The following EML6 variants were observed in gnomAD, a reference collection of about 807,000 sequenced individuals.
EML6 encodes echinoderm microtubule-associated protein-like 6.
EML6 carries 154 observed loss-of-function variants against 240.1 expected under a neutral mutation model. The ratio of observed to expected loss-of-function variants is 0.64; its 90% CI spans 0.56 to 0.73. The LOEUF is 0.73. EML6 is among the 30% of genes least tolerant of loss of function. The pLI is 0.00. For missense variants in EML6, 2,964 were observed against 2,474.6 expected, an observed-to-expected ratio of 1.20 and a Z score of -4.20; for synonymous variants, 1,148 against 899.0, an observed-to-expected ratio of 1.28 and a Z score of -4.95.
chr2:54,945,340 A>G (rs1675642171), intron 28 of EML6, among the ~76,000 whole-genome samples: 1 of 146,776 alleles, frequency 6.8e-6, no homozygotes, highest in African/African-American at 2.5e-5. Context: ...GACATTCTAA[A>G]ACCATTGGAG....
At position 54,832,991 on chromosome 2, in the gene EML6, G is replaced by T. The variant is rs539200250; in HGVS notation, c.847+3514G>T. 5.3e-5 allele frequency among the ~76,000 whole-genome samples: 8 copies of T among 152,228 alleles called. No homozygotes were observed. The South Asian group carries it at 1.2e-3, about 24-fold the overall frequency. On this transcript the variant is annotated intron_variant, in intron 7 of 41. Transcript: ENST00000356458. Reference sequence around the variant, plus strand: ...GTATTTTTGCTATTTGTGAAACAGCGACACTCGAATTCATTTCAATGGAAA... The same window carrying T: ...GTATTTTTGCTATTTGTGAAACAGCTACACTCGAATTCATTTCAATGGAAA...
At chr2:54,810,659 T>C (rs1299786748) in intron 2 of EML6, among the ~76,000 whole-genome samples, 1 of 152,206 alleles carries the variant, frequency 6.6e-6, no homozygotes, top group African/African-American at 2.4e-5. Context: ...ACCTCTTGCC[T>C]ATTGCAGGGG....
At chr2:54,728,738 A>AAC (rs952152512) in intron 2 of EML6, among the ~76,000 whole-genome samples, 2 of 151,984 alleles carry the variant, frequency 1.3e-5, no homozygotes, top group East Asian at 1.9e-4. Flanking sequence ...TATTTCACTA[A>AAC]ACACACACAC....
At chr2:54,801,042 C>T (rs183237435) in intron 2 of EML6, among the ~76,000 whole-genome samples, 27 of 152,098 alleles carry the variant, frequency 1.8e-4, no homozygotes, top group Non-Finnish European at 2.8e-4. Flanking sequence ...TCATTGAGGC[C>T]GGGTGCAGTG....
chr2:54,916,612 T>C, intron 25 of EML6, 147 bp from the exon 26 acceptor site: 2 of 518,264 alleles, frequency 3.9e-6, no homozygotes, highest in South Asian at 1.2e-4. Flanking sequence ...ACTTTAAATA[T>C]GCAACTTAGA....
intron 24 of EML6, among the ~76,000 whole-genome samples, chr2:54,907,490 G>A (rs895844726): frequency 6.6e-6 from 1 of 152,204 alleles, no homozygotes; most frequent in Non-Finnish European, 1.5e-5. Flanking sequence ...CTGGGTAACA[G>A]AGCGAGACTA....
chr2:54,851,680 T>C (rs1163277463), intron 10 of EML6, among the ~76,000 whole-genome samples: 2 of 152,242 alleles, frequency 1.3e-5, no homozygotes, highest in African/African-American at 4.8e-5. Flanking sequence ...TATCCAAGTC[T>C]TTTGCTTTAT....
chr2:54,797,166 A>AAAAAAAAAAAAAAAAAAAAAAAAAAAAAC (rs1669837148), intron 2 of EML6, among the ~76,000 whole-genome samples: 1 of 100,414 alleles, frequency 1.0e-5, no homozygotes, highest in Non-Finnish European at 2.3e-5. Context: ...CTCCATCTCA[A>AAAAAAAAAAAAAAAAAAAAAAAAAAAAAC]AAAAAAAAAA....
chr2:54,953,047 C>T (rs557633561), intron 31 of EML6, among the ~76,000 whole-genome samples: 1 of 152,098 alleles, frequency 6.6e-6, no homozygotes, highest in Non-Finnish European at 1.5e-5. Context: ...TGCCTGGACC[C>T]CCTGTGCCCT....
intron 5 of EML6, among the ~76,000 whole-genome samples, chr2:54,826,626 C>G (rs1265747667): frequency 2.6e-5 from 4 of 152,122 alleles, no homozygotes; most frequent in Non-Finnish European, 5.9e-5. Flanking sequence ...AAAACTATGT[C>G]AATACAAAAT....
Position 54,814,456 on chromosome 2 carries a change from C to T in EML6, c.357+1065C>T, listed in dbSNP as rs146103541. Among the ~76,000 whole-genome samples the T allele has an allele frequency of 4.0e-4, 61 of 152,286 alleles. No homozygotes were observed. The East Asian group carries it at 0.01, about 26-fold the overall frequency. ...AAAACGGAGGGGTCATTCCTGGCTC[C>T]GGCTGCATTCATCTCCTCCCTAAGG... On this transcript the variant is annotated intron_variant, in intron 3 of 41. Transcript: ENST00000356458.
intron 2 of EML6, among the ~76,000 whole-genome samples, chr2:54,777,917 G>T (rs1411244841): frequency 6.6e-6 from 1 of 151,698 alleles, no homozygotes; most frequent in Non-Finnish European, 1.5e-5. Flanking sequence ...AAATTTTTGG[G>T]GAATATTTAC....
intron 2 of EML6, among the ~76,000 whole-genome samples, chr2:54,730,985 T>C (rs1683138788): frequency 6.6e-6 from 1 of 151,976 alleles, no homozygotes; most frequent in African/African-American, 2.4e-5. Flanking sequence ...AGAAGAAAAA[T>C]AATCACAGAG....
At chr2:54,809,878 T>C (rs964985089) in intron 2 of EML6, among the ~76,000 whole-genome samples, 3 of 152,108 alleles carry the variant, frequency 2.0e-5, no homozygotes, top group African/African-American at 7.2e-5. Context: ...GGATGAGACA[T>C]GGATGCCATT....
In EML6 at chr2:54,774,517, A is replaced by G. The variant is rs573785532; in HGVS notation, c.198-38715A>G. On this transcript the variant is annotated intron_variant, in intron 2 of 41. Coordinates refer to ENST00000356458, the MANE Select transcript of EML6 (RefSeq NM_001039753.4). The surrounding 1 kb of genome is among the most constrained non-coding windows in gnomAD (Gnocchi z 4.1). ...TGGAAGGGGGTTCTGGATGGTTTTT[A>G]GCCTACATCACGGGGAGAATGGAAG... Among the ~76,000 whole-genome samples, 1 of 152,340 alleles carries G rather than the reference A, an allele frequency of 6.6e-6. No homozygotes were observed. Among genetic ancestry groups the G allele is most frequent in the Non-Finnish European group, 1.5e-5 (1 of 68,016 alleles).
At chr2:54,967,209 T>G (rs551799833) in intron 39 of EML6, 106 bp downstream of exon 39, 1 of 730,878 alleles carries the variant, frequency 1.4e-6, no homozygotes, top group African/African-American at 1.8e-5. Context: ...AGCTGAGAAA[T>G]GGAGCTGTCT....
At chr2:54,727,190 A>G (rs1682947244) in intron 2 of EML6, among the ~76,000 whole-genome samples, 1 of 151,118 alleles carries the variant, frequency 6.6e-6, no homozygotes, top group Non-Finnish European at 1.5e-5. Flanking sequence ...AGGGAAAAAG[A>G]GACAGTTAGC....
intron 10 of EML6, among the ~76,000 whole-genome samples, chr2:54,852,052 C>T (rs1320809774): frequency 2.0e-5 from 3 of 152,202 alleles, no homozygotes; most frequent in Non-Finnish European, 4.4e-5. Context: ...TCCAACACAA[C>T]ATTTCAAGAT....
At position 54,960,360 on chromosome 2, in the gene EML6, GC is replaced by G. The variant is rs1357015738; in HGVS notation, c.4968+27del. 9.9e-6 allele frequency: 15 copies of G among 1,513,278 alleles called. No individual in the cohort carries two copies. The Middle Eastern group carries it at 1.2e-3, about 120-fold the overall frequency. 93.7% of individuals were successfully genotyped at this position (1,513,278 alleles called of 1,614,324 possible). A position where few individuals can be genotyped will look rare whatever the true frequency, so the allele number is the denominator to read the frequency against. On this transcript the variant is annotated intron_variant, in intron 35 of 41. Transcript: ENST00000356458. ...GTGAGCACAGCCAGCTCCCCTGGGG[GC>G]TGGGCCAGGGAAGGGGGAAGTGTAG...
Sources: gnomAD v4.1 joint callset for allele counts (sites outside exome capture counted in the v4.1 genomes callset) on GRCh38, gnomAD v4.1.1 for gene constraint, Gnocchi (gnomAD v3.1) non-coding constraint, MANE v1.5 for transcripts, NCBI Gene and HGNC (gene_info 2026-07-23, HGNC 2026-07-21) for gene names.